Variants in GNAL observed in about 807,000 individuals in gnomAD.
GNAL encodes the protein guanine nucleotide-binding protein G(olf) subunit alpha.
A neutral mutation model predicts 55.1 loss-of-function variants in GNAL; 18 were observed. The ratio of observed to expected loss-of-function variants is 0.33; its 90% confidence interval spans 0.23 to 0.48. The LOEUF is 0.48. Ranked by LOEUF, GNAL falls within the 20% of genes least tolerant of loss-of-function variation. The pLI is 0.99. For missense variants in GNAL, 412 were observed against 614.1 expected (o/e 0.67, Z 3.48); for synonymous variants, 253 against 237.0 (o/e 1.07, Z -0.62).
rs2036312674 is a variant in GNAL, at chr18:11,868,330, AT to A, written c.911-210del. 6.6e-6 allele frequency among the ~76,000 whole-genome samples: 1 copy of A among 152,050 alleles called. No individual in the cohort carries two copies. The highest frequency in any genetic ancestry group is 6.6e-5 in the Admixed American group (1 of 15,260). On this transcript the variant is annotated intron_variant, in intron 8 of 11. Coordinates refer to ENST00000334049, the MANE Select transcript of GNAL (RefSeq NM_182978.4). This position sits in a 1 kb window ranked among gnomAD's most constrained non-coding sequence, Gnocchi z 4.0. Reference sequence around the variant, plus strand: ...AAAAAAAAGCACTTAAGCATCCCAAATTTACATGTGTCTTTTGGGGTGGGCT... The same window carrying A: ...AAAAAAAAGCACTTAAGCATCCCAAATTACATGTGTCTTTTGGGGTGGGCT...
At chr18:11,876,441 C>T (rs2036533539) in intron 10 of GNAL, among the ~76,000 whole-genome samples, 180 bp from the exon 11 acceptor site, 1 of 152,002 alleles carries the variant, frequency 6.6e-6, no homozygotes, top group African/African-American at 2.4e-5. Flanking sequence ...CCAGCCTGGG[C>T]AAGAGAGTGA....
intron 1 of GNAL, among the ~76,000 whole-genome samples, chr18:11,691,774 T>C (rs2031254939): frequency 6.6e-6 from 1 of 152,180 alleles, no homozygotes; most frequent in Non-Finnish European, 1.5e-5. Context: ...CATTTTACTT[T>C]GGAAGCTCAA....
In GNAL at chr18:11,788,910, A is replaced by AT. The variant is rs1314963053; in HGVS notation, c.624+34965_624+34966insT. On this transcript the variant is annotated intron_variant, in intron 4 of 11. Transcript: ENST00000334049. ...AGACTCCGTCTCGAAAAAAAAAAAA[A>AT]AAAAATATATATATATATATATATA... Among the ~76,000 whole-genome samples the AT allele has an allele frequency of 1.5e-3, 108 of 73,338 alleles. 1 individual carries two copies. The highest frequency in any genetic ancestry group is 4.2e-3 in the African/African-American group (72 of 17,108). 48.1% of individuals were successfully genotyped at this position (73,338 alleles called of 152,430 possible).
At chr18:11,807,090 C>T (rs1382392839) in intron 4 of GNAL, among the ~76,000 whole-genome samples, 3 of 151,524 alleles carry the variant, frequency 2.0e-5, no homozygotes, top group Non-Finnish European at 2.9e-5. Flanking sequence ...ACCTGGGAGG[C>T]AGAGGTTGCA....
At position 11,882,275 on chromosome 18, in the gene GNAL, C is replaced by T. The variant is rs1302495718; in HGVS notation, c.*1140C>T. ...TCTCTCTCTCTAGACAATATGTTTC[C>T]TCATTAGTCTGCTAATGAAACACTT... On this transcript the variant is annotated 3_prime_UTR_variant, in exon 12 of 12. Transcript: ENST00000334049. 1 of 152,150 alleles carries T rather than the reference C, an allele frequency of 6.6e-6. No homozygotes were observed. Among genetic ancestry groups the T allele is most frequent in the Non-Finnish European group, 1.5e-5 (1 of 68,030 alleles). 9.4% of individuals were successfully genotyped at this position (152,150 alleles called of 1,614,324 possible).
chr18:11,849,501 C>CA lies in GNAL; in HGVS notation c.723-12874dup, dbSNP rs71172025. Among the ~76,000 whole-genome samples, 544 of 130,382 alleles carry CA rather than the reference C, an allele frequency of 4.2e-3. 1 individual carries two copies. The highest frequency in any genetic ancestry group is 0.013 in the African/African-American group (395 of 31,016). 85.5% of individuals were successfully genotyped at this position (130,382 alleles called of 152,430 possible). On this transcript the variant is annotated intron_variant, in intron 5 of 11. Coordinates refer to ENST00000334049, the MANE Select transcript of GNAL (RefSeq NM_182978.4). The stretch of plus-strand genomic sequence containing the variant: ...TGAGTGACAAAGCAAGATTTCATCT[C>CA]AAAAAAAAAAAAAAAAAAAAGAAAG...
Position 11,764,132 on chromosome 18 carries a change from T to C in GNAL, c.624+10187T>C, listed in dbSNP as rs139529034. On this transcript the variant is annotated intron_variant, in intron 4 of 11. Transcript: ENST00000334049. ...GTTTTTTTGTTTTTTTGAGACAGAG[T>C]CTTGCTCTGTCGCCCAGGCTACAGT... is the stretch of plus-strand genomic sequence containing the variant. Among the ~76,000 whole-genome samples the C allele has an allele frequency of 1.1e-3, 172 of 152,142 alleles. 1 individual carries two copies. Among genetic ancestry groups the C allele is most frequent in the African/African-American group, 4.1e-3 (170 of 41,526 alleles).
At chr18:11,698,912 G>A (rs2031489559) in intron 1 of GNAL, among the ~76,000 whole-genome samples, 2 of 151,712 alleles carry the variant, frequency 1.3e-5, no homozygotes, top group African/African-American at 4.9e-5. Context: ...TTAATGGCAA[G>A]CAGGTTTTTC....
chr18:11,872,456 C>T, intron 10 of GNAL, 58 bp downstream of exon 10: 1 of 1,101,238 alleles, frequency 9.1e-7, no homozygotes, highest in Non-Finnish European at 1.3e-6. Context: ...ATTAATAGTC[C>T]TGTAACTCTA....
chr18:11,839,365 G>A (rs935558794), intron 5 of GNAL, among the ~76,000 whole-genome samples: 5 of 151,244 alleles, frequency 3.3e-5, no homozygotes, highest in Middle Eastern at 3.4e-3. Flanking sequence ...GCATCTTGGC[G>A]AGACCTCATC....
chr18:11,753,075 G>T, intron 2 of GNAL, 150 bp downstream of exon 2: 1 of 584,602 alleles, frequency 1.7e-6, no homozygotes, highest in Non-Finnish European at 3.1e-6. Context: ...TGTTGGATTT[G>T]GTATATTTAG....
intron 5 of GNAL, among the ~76,000 whole-genome samples, chr18:11,834,292 G>A (rs2035453057): frequency 6.6e-6 from 1 of 152,134 alleles, no homozygotes; most frequent in Non-Finnish European, 1.5e-5. Context: ...AGGGGCGTGT[G>A]GGAACATCCT....
At chr18:11,787,809 G>A (rs1462493234) in intron 4 of GNAL, among the ~76,000 whole-genome samples, 1 of 151,444 alleles carries the variant, frequency 6.6e-6, no homozygotes, top group Non-Finnish European at 1.5e-5. Flanking sequence ...GAGAGGTGGA[G>A]CTTGCAGTGA....
chr18:11,834,298 A>T (rs963478534), intron 5 of GNAL, among the ~76,000 whole-genome samples: 1 of 152,222 alleles, frequency 6.6e-6, no homozygotes, highest in African/African-American at 2.4e-5. Context: ...GTGTGGGAAC[A>T]TCCTGACATA....
At chr18:11,860,584 A>G (rs2036109657) in intron 5 of GNAL, among the ~76,000 whole-genome samples, 1 of 152,240 alleles carries the variant, frequency 6.6e-6, no homozygotes, top group African/African-American at 2.4e-5. Flanking sequence ...AAGAAAAATG[A>G]AGACCCAAAG....
chr18:11,734,148 C>CTTTTTTTTTTTT (rs545091797), intron 1 of GNAL, among the ~76,000 whole-genome samples: 2 of 137,190 alleles, frequency 1.5e-5, no homozygotes, highest in African/African-American at 2.7e-5. Context: ...TTTTCTTTTT[C>CTTTTTTTTTTTT]TTTTTTTTTT....
intron 1 of GNAL, among the ~76,000 whole-genome samples, chr18:11,749,606 C>G (rs2032768898): frequency 6.6e-6 from 1 of 152,182 alleles, no homozygotes; most frequent in African/African-American, 2.4e-5. Flanking sequence ...CCTCCGCCCT[C>G]AAGGAGTCCA....
chr18:11,742,803 C>T (rs1281581459), intron 1 of GNAL, among the ~76,000 whole-genome samples: 1 of 152,224 alleles, frequency 6.6e-6, no homozygotes, highest in Non-Finnish European at 1.5e-5. Context: ...GACCCTCACA[C>T]ACCCCTCAGT....
rs1031562665 is a variant in GNAL, at chr18:11,881,359, C to T, written c.*224C>T. On this transcript the variant is annotated 3_prime_UTR_variant, in exon 12 of 12. Transcript: ENST00000334049. This position sits in a 1 kb window ranked among gnomAD's most constrained non-coding sequence, Gnocchi z 4.8. ...CAGCATCCCACCCCCAAACCACCGA[C>T]TCTCATTGCCGACACTGCAGCAGAA... The T allele has an allele frequency of 1.1e-5, 5 of 450,726 alleles. No individual in the cohort carries two copies. Among genetic ancestry groups the T allele is most frequent in the South Asian group, 4.2e-5 (1 of 23,690 alleles). 27.9% of individuals were successfully genotyped at this position (450,726 alleles called of 1,614,324 possible).
Sources: allele counts gnomAD v4.1 joint callset (sites outside exome capture counted in the v4.1 genomes callset), GRCh38; gene constraint gnomAD v4.1.1; non-coding constraint Gnocchi (gnomAD v3.1); transcripts MANE v1.5; gene names NCBI Gene and HGNC (gene_info 2026-07-23, HGNC 2026-07-21).